Variants in RABEPK observed in about 807,000 individuals in gnomAD.
RABEPK encodes 40 kDa Rab9 effector protein.
In RABEPK, 27 loss-of-function variants were observed where a neutral mutation model predicts 34.1. The ratio of observed to expected loss-of-function variants is 0.79; its 90% CI spans 0.58 to 1.09. RABEPK has a LOEUF of 1.09. RABEPK is among the 50% of genes least tolerant of loss of function. The pLI is 0.00. For synonymous variants in RABEPK, 172 were observed against 169.2 expected (o/e 1.02, Z -0.13); for missense variants, 449 against 462.6 (o/e 0.97, Z 0.27).
intron 3 of RABEPK, 137 bp from the exon 4 acceptor site, chr9:125,213,233 G>A: frequency 1.1e-6 from 1 of 892,336 alleles, no homozygotes; most frequent in Non-Finnish European, 1.7e-6. Context: ...TTTTCTGGAG[G>A]TTGACAACAT....
chr9:125,226,643 A>ATCACGAGG (rs576166863), intron 5 of RABEPK, among the ~76,000 whole-genome samples: 101 of 152,068 alleles, frequency 6.6e-4, no homozygotes, highest in African/African-American at 2.4e-3. Context: ...AGGTGGGCGA[A>ATCACGAGG]TCACGAGGTC....
intron 4 of RABEPK, among the ~76,000 whole-genome samples, chr9:125,213,974 T>C (rs1199121221): frequency 6.6e-6 from 1 of 151,904 alleles, no homozygotes; most frequent in Non-Finnish European, 1.5e-5. Flanking sequence ...ATAGAAAAAT[T>C]AGCTGGGTGT....
intron 3 of RABEPK, among the ~76,000 whole-genome samples, chr9:125,208,616 A>G (rs998458103): frequency 4.6e-5 from 7 of 151,190 alleles, no homozygotes; most frequent in African/African-American, 7.3e-5. Context: ...GCTGACCGCA[A>G]CCTGTGCCTT....
intron 5 of RABEPK, among the ~76,000 whole-genome samples, chr9:125,227,552 G>A (rs796843644): frequency 5.9e-5 from 9 of 151,848 alleles, no homozygotes; most frequent in African/African-American, 2.2e-4. Flanking sequence ...CTCCCAAGTA[G>A]CTGGGATTAC....
At chr9:125,203,760 C>T (rs1022009872) in intron 2 of RABEPK, among the ~76,000 whole-genome samples, 33 of 152,138 alleles carry the variant, frequency 2.2e-4, no homozygotes, top group East Asian at 5.8e-4. Flanking sequence ...GGGCTGGGCA[C>T]GGTGGCTCAT....
chr9:125,217,320 C>A (rs879530669), intron 4 of RABEPK, among the ~76,000 whole-genome samples: 2 of 152,096 alleles, frequency 1.3e-5, no homozygotes, highest in Admixed American at 1.3e-4. Flanking sequence ...TTTTGATTTT[C>A]AACAATGGTA....
chr9:125,202,089 C>G (rs1398423682), intron 1 of RABEPK, among the ~76,000 whole-genome samples: 1 of 151,880 alleles, frequency 6.6e-6, no homozygotes, highest in Non-Finnish European at 1.5e-5. Flanking sequence ...TGGCACTTGC[C>G]TGTAGTCCCA....
intron 4 of RABEPK, among the ~76,000 whole-genome samples, chr9:125,218,382 A>G (rs937441337): frequency 5.0e-4 from 74 of 148,298 alleles, no homozygotes; most frequent in African/African-American, 1.7e-3. Context: ...TGCTACGCAC[A>G]TATGCTATAA....
chr9:125,211,097 C>T (rs1201241318), intron 3 of RABEPK, among the ~76,000 whole-genome samples: 7 of 150,316 alleles, frequency 4.7e-5, no homozygotes, highest in Admixed American at 1.3e-4. Context: ...ATTAGCCAGG[C>T]GTGGTGGCGG....
At chr9:125,212,673 CAG>C (rs1830666221) in intron 3 of RABEPK, among the ~76,000 whole-genome samples, 1 of 146,318 alleles carries the variant, frequency 6.8e-6, no homozygotes, top group Admixed American at 7.0e-5. Context: ...TTTTTTGAGA[CAG>C]AGTGTTGCTG....
intron 7 of RABEPK, among the ~76,000 whole-genome samples, chr9:125,233,378 G>A (rs185582627): frequency 1.2e-4 from 15 of 121,606 alleles, no homozygotes; most frequent in East Asian, 1.2e-3. Context: ...TCACTCTGTC[G>A]CCCAGGCTGT....
chr9:125,226,057 G>C (rs1192786487), intron 5 of RABEPK, among the ~76,000 whole-genome samples: 1 of 151,886 alleles, frequency 6.6e-6, no homozygotes, highest in Non-Finnish European at 1.5e-5. Flanking sequence ...GGCTGAGGCA[G>C]GAGAATCGCT....
intron 3 of RABEPK, among the ~76,000 whole-genome samples, chr9:125,210,841 TTTG>T (rs1315660688): frequency 1.5e-5 from 2 of 134,650 alleles, no homozygotes. Context: ...AATCTTAAGT[TTTG>T]TTTTTTTTTT....
At chr9:125,210,183 C>T (rs1028296944) in intron 3 of RABEPK, among the ~76,000 whole-genome samples, 3 of 151,912 alleles carry the variant, frequency 2.0e-5, no homozygotes, top group Non-Finnish European at 4.4e-5. Flanking sequence ...GCGGGCGGAT[C>T]GCTAGGTCAA....
intron 6 of RABEPK, among the ~76,000 whole-genome samples, chr9:125,228,631 C>T (rs570623298): frequency 1.7e-4 from 25 of 150,774 alleles, no homozygotes; most frequent in Non-Finnish European, 2.7e-4. Flanking sequence ...TGCACTCCAG[C>T]CTGGGCCACA....
At chr9:125,231,184 C>T (rs1238892867) in intron 6 of RABEPK, among the ~76,000 whole-genome samples, 1 of 151,946 alleles carries the variant, frequency 6.6e-6, no homozygotes, top group Admixed American at 6.6e-5. Context: ...GTGCCAGCTA[C>T]TCTGGAGGCT....
intron 7 of RABEPK, among the ~76,000 whole-genome samples, chr9:125,233,341 T>G (rs1205490139): frequency 1.4e-5 from 2 of 140,320 alleles, no homozygotes; most frequent in Non-Finnish European, 3.1e-5. Flanking sequence ...TTTTTTTTTT[T>G]TTTTTTTTTT....
At chr9:125,207,829 A>C in intron 3 of RABEPK, 108 bp downstream of exon 3, 1 of 1,391,584 alleles carries the variant, frequency 7.2e-7, no homozygotes, top group Non-Finnish European at 9.9e-7. Context: ...TTTTCCTATA[A>C]GAAAACATGG....
chr9:125,228,430 G>T (rs1217389634), intron 6 of RABEPK, among the ~76,000 whole-genome samples: 1 of 152,138 alleles, frequency 6.6e-6, no homozygotes, highest in African/African-American at 2.4e-5. Flanking sequence ...GCTGAGGCAG[G>T]CATATCACCT....
Sources: allele counts gnomAD v4.1 joint callset (sites outside exome capture counted in the v4.1 genomes callset), GRCh38; gene constraint gnomAD v4.1.1; transcripts MANE v1.5; gene names NCBI Gene and HGNC (gene_info 2026-07-23, HGNC 2026-07-21).